The following ZBTB44 variants were observed in gnomAD, a reference collection of about 807,000 sequenced individuals.
The protein encoded by ZBTB44 is zinc finger and BTB domain containing 44.
In ZBTB44, 15 loss-of-function variants were observed where a neutral mutation model predicts 54.0. That is an observed-to-expected ratio of 0.28 (90% CI 0.19 to 0.43). ZBTB44 has a LOEUF of 0.43. ZBTB44 is among the 20% of genes least tolerant of loss of function. ZBTB44 has a pLI of 1.00. For missense variants in ZBTB44, 487 were observed against 707.1 expected, an observed-to-expected ratio of 0.69 and a Z score of 3.53; for synonymous variants, 230 against 250.1, an observed-to-expected ratio of 0.92 and a Z score of 0.76.
chr11:130,307,248 C>A (rs975183275), intron 1 of ZBTB44, among the ~76,000 whole-genome samples: 1 of 151,860 alleles, frequency 6.6e-6, no homozygotes, highest in African/African-American at 2.4e-5. Flanking sequence ...CACGGTGAAA[C>A]CCCGTCTCTA....
chr11:130,275,728 A>G (rs1472406138), intron 1 of ZBTB44, among the ~76,000 whole-genome samples: 1 of 152,098 alleles, frequency 6.6e-6, no homozygotes, highest in Non-Finnish European at 1.5e-5. Context: ...CCCAGGTTCA[A>G]GCAGTTCTCC....
At chr11:130,289,732 T>C (rs534015795) in intron 1 of ZBTB44, among the ~76,000 whole-genome samples, 4 of 152,180 alleles carry the variant, frequency 2.6e-5, no homozygotes, top group Non-Finnish European at 4.4e-5. Context: ...CAAGAACGTA[T>C]GTCCTCAAGG....
At chr11:130,304,835 C>A (rs1406312514) in intron 1 of ZBTB44, among the ~76,000 whole-genome samples, 1 of 152,006 alleles carries the variant, frequency 6.6e-6, no homozygotes, top group Admixed American at 6.6e-5. Flanking sequence ...GCTGATGATA[C>A]AAACTTATAC....
intron 1 of ZBTB44, among the ~76,000 whole-genome samples, chr11:130,271,281 A>T (rs1438718373): frequency 1.3e-5 from 2 of 152,358 alleles, no homozygotes; most frequent in East Asian, 3.9e-4. Context: ...CTTAATCTCT[A>T]GCAATGAATA....
At chr11:130,296,877 C>T (rs1305287418) in intron 1 of ZBTB44, 7 of 729,576 alleles carry the variant, frequency 9.6e-6, no homozygotes, top group Non-Finnish European at 1.8e-5. Flanking sequence ...AGTTGCTCTG[C>T]CATTTGATTT....
intron 1 of ZBTB44, among the ~76,000 whole-genome samples, chr11:130,287,220 T>G (rs1261926453): frequency 6.6e-6 from 1 of 152,134 alleles, no homozygotes; most frequent in Non-Finnish European, 1.5e-5. Flanking sequence ...GCCCCATCCC[T>G]CACCTCCCAT....
chr11:130,301,707 A>G (rs1000847575), intron 1 of ZBTB44, among the ~76,000 whole-genome samples: 2 of 148,424 alleles, frequency 1.3e-5, no homozygotes, highest in Non-Finnish European at 3.0e-5. Context: ...AGGATGTATG[A>G]TAAGAGGCAC....
intron 1 of ZBTB44, among the ~76,000 whole-genome samples, chr11:130,284,688 G>A (rs987184764): frequency 6.6e-6 from 1 of 152,104 alleles, no homozygotes; most frequent in African/African-American, 2.4e-5. Flanking sequence ...CCAACATGGA[G>A]AAACACCGTC....
intron 1 of ZBTB44, among the ~76,000 whole-genome samples, chr11:130,284,037 A>C (rs113829450): frequency 0.061 from 9,076 of 149,516 alleles, 699 homozygotes; most frequent in African/African-American, 0.18. Context: ...CCTGTAATCC[A>C]AGCACATATG....
chr11:130,280,800 C>T (rs144528025), intron 1 of ZBTB44, among the ~76,000 whole-genome samples: 1 of 152,288 alleles, frequency 6.6e-6, no homozygotes, highest in African/African-American at 2.4e-5. Context: ...TGTAAATAAT[C>T]AGGTCTCTCA....
At chr11:130,294,277 T>C (rs1296108751) in intron 1 of ZBTB44, among the ~76,000 whole-genome samples, 1 of 151,814 alleles carries the variant, frequency 6.6e-6, no homozygotes, top group South Asian at 2.1e-4. Context: ...GGTGTGGTGG[T>C]GCACGCCTGT....
chr11:130,247,527 C>T (rs1321219918), intron 2 of ZBTB44, among the ~76,000 whole-genome samples: 3 of 152,192 alleles, frequency 2.0e-5, no homozygotes, highest in South Asian at 2.1e-4. Context: ...TAGGCTAACA[C>T]CTGCTCTGAA....
intron 1 of ZBTB44, among the ~76,000 whole-genome samples, chr11:130,268,880 T>G (rs1260965663): frequency 6.7e-6 from 1 of 150,004 alleles, no homozygotes; most frequent in Admixed American, 6.7e-5. Context: ...ACGCTCGGCC[T>G]CAAATTTTAA....
At chr11:130,295,019 G>A (rs139780537) in intron 1 of ZBTB44, among the ~76,000 whole-genome samples, 85 of 152,166 alleles carry the variant, frequency 5.6e-4, no homozygotes, top group African/African-American at 2.0e-3. Context: ...CGTCAGCCCC[G>A]AGAACTGAGT....
chr11:130,296,281 A>C, intron 1 of ZBTB44: 1 of 1,487,450 alleles, frequency 6.7e-7, no homozygotes, highest in Non-Finnish European at 9.1e-7. Context: ...CCTTCTGAAA[A>C]GAGATTCCTT....
chr11:130,258,126 A>T (rs1312791579), intron 2 of ZBTB44, among the ~76,000 whole-genome samples: 1 of 152,232 alleles, frequency 6.6e-6, no homozygotes, highest in African/African-American at 2.4e-5. Context: ...TCTCTATAGC[A>T]CTAAGGAAGA....
Position 130,228,889 on chromosome 11 carries a change from G to A in ZBTB44, c.*2875C>T, listed in dbSNP as rs1953777898. On this transcript the variant is annotated 3_prime_UTR_variant, in exon 8 of 8. Coordinates refer to ENST00000357899, the MANE Select transcript of ZBTB44 (RefSeq NM_001301098.2). ...CAGCAACATCAGTCAATTTAAACGAGAAAGGAACTAATAAAAGAATTTGAC... is the reference window on the plus strand; with the variant it reads ...CAGCAACATCAGTCAATTTAAACGAAAAAGGAACTAATAAAAGAATTTGAC... 1 of 152,140 alleles carries A rather than the reference G, an allele frequency of 6.6e-6. No individual in the cohort carries two copies. The highest frequency in any genetic ancestry group is 6.5e-5 in the Admixed American group (1 of 15,276). 9.4% of individuals were successfully genotyped at this position (152,140 alleles called of 1,614,324 possible). A position where few individuals can be genotyped will look rare whatever the true frequency, so the allele number is the denominator to read the frequency against.
At chr11:130,307,479 T>C (rs1249668432) in intron 1 of ZBTB44, among the ~76,000 whole-genome samples, 1 of 151,816 alleles carries the variant, frequency 6.6e-6, no homozygotes, top group East Asian at 1.9e-4. Context: ...TATCCATCCA[T>C]CAATCCATCT....
chr11:130,264,882 T>C (rs1163842203), intron 1 of ZBTB44, among the ~76,000 whole-genome samples: 1 of 152,220 alleles, frequency 6.6e-6, no homozygotes, highest in Non-Finnish European at 1.5e-5. Flanking sequence ...CTGGTGCCAC[T>C]TTCCACCAGC....
Sources: allele counts gnomAD v4.1 joint callset (sites outside exome capture counted in the v4.1 genomes callset), GRCh38; gene constraint gnomAD v4.1.1; transcripts MANE v1.5; gene names NCBI Gene and HGNC (gene_info 2026-07-23, HGNC 2026-07-21).